The following SNTG1 variants were observed in gnomAD, a reference collection of about 807,000 sequenced individuals.
The protein encoded by SNTG1 is syntrophin gamma 1.
Under a neutral mutation model 74.7 loss-of-function variants are expected in SNTG1, and 39 were observed. The ratio of observed to expected loss-of-function variants is 0.52; its 90% CI spans 0.40 to 0.68. The LOEUF (loss-of-function observed/expected upper bound fraction) is 0.68. Among genes scored for constraint, SNTG1 ranks in the 30% least tolerant of loss-of-function variants. The pLI is 0.00. For missense variants in SNTG1, 685 were observed against 609.5 expected, an observed-to-expected ratio of 1.12 and a Z score of -1.30; for synonymous variants, 254 against 217.1, an observed-to-expected ratio of 1.17 and a Z score of -1.49.
rs190894339 is a variant in SNTG1, at chr8:50,633,722, C to G, written c.850-23187C>G. Among the ~76,000 whole-genome samples, 846 of 152,174 alleles carry G rather than the reference C, an allele frequency of 5.6e-3. 1 individual carries two copies. The highest frequency in any genetic ancestry group is 0.027 in the Middle Eastern group (8 of 292). On this transcript the variant is annotated intron_variant, in intron 13 of 18. Transcript: ENST00000642720. ...GGGGAACTTTGTGTAGGAAATGAAC[C>G]CCAAATTCTATGGCGCTGAAACAGG...
intron 2 of SNTG1, among the ~76,000 whole-genome samples, chr8:50,215,115 A>C (rs2084716323): frequency 6.6e-6 from 1 of 152,088 alleles, no homozygotes; most frequent in Admixed American, 6.6e-5. Context: ...CAGTCCCGGA[A>C]GATCATTCTC....
At chr8:50,527,518 A>G (rs2094231074) in intron 9 of SNTG1, among the ~76,000 whole-genome samples, 1 of 152,060 alleles carries the variant, frequency 6.6e-6, no homozygotes, top group African/African-American at 2.4e-5. Flanking sequence ...TGTATTTGAT[A>G]TATGTATATA....
intron 9 of SNTG1, among the ~76,000 whole-genome samples, chr8:50,525,718 T>C (rs2094214586): frequency 6.6e-6 from 1 of 152,074 alleles, no homozygotes; most frequent in Non-Finnish European, 1.5e-5. Flanking sequence ...GTCTTTTCTA[T>C]ATTTTTGACA....
At chr8:50,475,257 T>A (rs1280085245) in intron 8 of SNTG1, among the ~76,000 whole-genome samples, 2 of 151,464 alleles carry the variant, frequency 1.3e-5, no homozygotes, top group East Asian at 3.9e-4. Flanking sequence ...AAAAAGAGCA[T>A]GCAGTGGCAA....
Position 50,656,689 on chromosome 8 carries a change from C to T in SNTG1, c.850-220C>T, listed in dbSNP as rs2271203. The stretch of plus-strand genomic sequence containing the variant: ...AACACTTGATAAATGCTGGTAGAAA[C>T]GTATAAGAAATTCTTATGAGAGGTT... On this transcript the variant is annotated intron_variant, in intron 13 of 18. Coordinates refer to ENST00000642720, the MANE Select transcript of SNTG1 (RefSeq NM_018967.5). 2.1e-4 allele frequency among the ~76,000 whole-genome samples: 32 copies of T among 152,028 alleles called. No individual in the cohort carries two copies. The South Asian group carries it at 6.2e-3, about 30-fold the overall frequency.
chr8:50,044,502 A>G (rs944912091), intron 1 of SNTG1, among the ~76,000 whole-genome samples: 6 of 152,158 alleles, frequency 3.9e-5, no homozygotes, highest in African/African-American at 1.4e-4. Context: ...TTTTCATTTG[A>G]TCATTCTCTA....
chr8:50,559,216 G>A (rs193058900), intron 12 of SNTG1, among the ~76,000 whole-genome samples: 1 of 152,174 alleles, frequency 6.6e-6, no homozygotes, highest in African/African-American at 2.4e-5. Context: ...ATTAAAATGG[G>A]AATAATTTCT....
At chr8:50,725,602 T>C (rs2095498231) in intron 17 of SNTG1, among the ~76,000 whole-genome samples, 1 of 152,182 alleles carries the variant, frequency 6.6e-6, no homozygotes, top group East Asian at 1.9e-4. Flanking sequence ...GTGACACCTC[T>C]AATTTCCTCT....
At chr8:50,080,764 TGAG>T (rs1317954384) in intron 1 of SNTG1, among the ~76,000 whole-genome samples, 1 of 152,144 alleles carries the variant, frequency 6.6e-6, no homozygotes, top group African/African-American at 2.4e-5. Flanking sequence ...AATATGCAAA[TGAG>T]GAACTAAGTC....
chr8:50,132,537 C>A (rs1209931628), intron 1 of SNTG1, among the ~76,000 whole-genome samples: 1 of 152,100 alleles, frequency 6.6e-6, no homozygotes, highest in Non-Finnish European at 1.5e-5. Context: ...AATTACAGGT[C>A]CCAGGCAAGT....
chr8:50,564,557 G>A (rs1411154203), intron 12 of SNTG1, among the ~76,000 whole-genome samples: 1 of 152,018 alleles, frequency 6.6e-6, no homozygotes, highest in Non-Finnish European at 1.5e-5. Context: ...AGGGATGAAA[G>A]CCCCTCCCTC....
chr8:50,072,091 A>G (rs1821420126), intron 1 of SNTG1, among the ~76,000 whole-genome samples: 1 of 152,218 alleles, frequency 6.6e-6, no homozygotes. Flanking sequence ...AGAAAATTAA[A>G]TAGCAGATTA....
chr8:50,030,772 T>C (rs1484014784), intron 1 of SNTG1, among the ~76,000 whole-genome samples: 1 of 152,016 alleles, frequency 6.6e-6, no homozygotes, highest in East Asian at 1.9e-4. Context: ...TTGAATGAAA[T>C]GTTTTCTTCC....
chr8:50,768,266 A>G (rs1027996517), intron 18 of SNTG1, among the ~76,000 whole-genome samples: 1 of 152,072 alleles, frequency 6.6e-6, no homozygotes, highest in African/African-American at 2.4e-5. Flanking sequence ...GCTAGTCTCT[A>G]TAAATCTTCA....
At chr8:50,601,985 T>C (rs1322138889) in intron 13 of SNTG1, among the ~76,000 whole-genome samples, 3 of 152,158 alleles carry the variant, frequency 2.0e-5, no homozygotes, top group Admixed American at 2.0e-4. Context: ...CATTATTCCT[T>C]TATTTTCAGT....
chr8:50,166,905 A>AATG (rs2082633331), intron 1 of SNTG1, among the ~76,000 whole-genome samples: 1 of 151,108 alleles, frequency 6.6e-6, no homozygotes, highest in Non-Finnish European at 1.5e-5. Flanking sequence ...GGATTAAGAA[A>AATG]ATGTGGCAAA....
At chr8:50,359,127 C>T (rs2091893471) in intron 2 of SNTG1, among the ~76,000 whole-genome samples, 1 of 152,184 alleles carries the variant, frequency 6.6e-6, no homozygotes, top group Non-Finnish European at 1.5e-5. Flanking sequence ...CTGAAGCTGT[C>T]AACCAGTTCT....
At chr8:50,422,775 A>G (rs1444720039) in intron 4 of SNTG1, among the ~76,000 whole-genome samples, 1 of 152,108 alleles carries the variant, frequency 6.6e-6, no homozygotes, top group Non-Finnish European at 1.5e-5. Flanking sequence ...GACAATAGTG[A>G]TGTTATTTGC....
intron 1 of SNTG1, among the ~76,000 whole-genome samples, chr8:50,127,480 A>G (rs1409275557): frequency 6.6e-6 from 1 of 152,042 alleles, no homozygotes; most frequent in Non-Finnish European, 1.5e-5. Flanking sequence ...ATTCTGGCCC[A>G]CCGCCCAGTG....
Sources: allele counts gnomAD v4.1 joint callset (sites outside exome capture counted in the v4.1 genomes callset), GRCh38; gene constraint gnomAD v4.1.1; transcripts MANE v1.5; gene names NCBI Gene and HGNC (gene_info 2026-07-23, HGNC 2026-07-21).